NKAIN2: variants seen among roughly 807,000 people sequenced by gnomAD.
NKAIN2 encodes sodium/potassium-transporting ATPase subunit beta-1-interacting protein 2.
NKAIN2 carries 14 observed loss-of-function variants against 32.6 expected under a neutral mutation model. The ratio of observed to expected loss-of-function variants is 0.43; its 90% confidence interval spans 0.28 to 0.67. The LOEUF (loss-of-function observed/expected upper bound fraction) is 0.67, where lower values mean the gene tolerates loss of function less well. Among genes scored for constraint, NKAIN2 ranks in the 30% least tolerant of loss-of-function variants. The pLI is 0.17. For missense variants in NKAIN2, 198 were observed against 258.3 expected (o/e 0.77, Z 1.60); for synonymous variants, 80 against 87.2 (o/e 0.92, Z 0.46).
Position 124,283,150 on chromosome 6 carries a change from C to T in NKAIN2, c.192+8C>T. On this transcript the variant is annotated splice_region_variant and intron_variant, in intron 2 of 6. Coordinates refer to ENST00000368417, the MANE Select transcript of NKAIN2 (RefSeq NM_001040214.3). ...CCTCGTTACATAACAGGAGTAAGTA[C>T]ATTTTCTGCCTTTTAAAAATCTTAT... is the stretch of plus-strand genomic sequence containing the variant. 6.3e-7 allele frequency: 1 copy of T among 1,591,066 alleles called. No individual in the cohort carries two copies.
chr6:124,108,946 T>C (rs1785243210), intron 1 of NKAIN2, among the ~76,000 whole-genome samples: 2 of 151,988 alleles, frequency 1.3e-5, no homozygotes, highest in Admixed American at 1.3e-4. Flanking sequence ...TTTAACATTG[T>C]CATGTATTTT....
chr6:124,470,710 A>G (rs1399755447), intron 3 of NKAIN2, among the ~76,000 whole-genome samples: 3 of 152,294 alleles, frequency 2.0e-5, no homozygotes, highest in East Asian at 3.9e-4. Context: ...TCTGCAAGCC[A>G]TATAGCAAAT....
intron 1 of NKAIN2, among the ~76,000 whole-genome samples, chr6:123,963,734 T>C (rs1777953770): frequency 6.6e-6 from 1 of 152,172 alleles, no homozygotes; most frequent in Non-Finnish European, 1.5e-5. Flanking sequence ...TCAAATACTA[T>C]CTTTCCAAAA....
chr6:124,774,505 C>T (rs147563984), intron 4 of NKAIN2, among the ~76,000 whole-genome samples: 3 of 152,110 alleles, frequency 2.0e-5, no homozygotes, highest in East Asian at 3.9e-4. Context: ...TCTACTAAGA[C>T]GTTCTGAGGG....
rs190390929 is a variant in NKAIN2, at chr6:124,354,067, C to T, written c.193-1200C>T. Among the ~76,000 whole-genome samples, 3 of 152,246 alleles carry T rather than the reference C, an allele frequency of 2.0e-5. No homozygotes were observed. In the East Asian group the frequency reaches 5.8e-4, roughly 30 times the overall value. On this transcript the variant is annotated intron_variant, in intron 2 of 6. Transcript: ENST00000368417. ...TGTTTACAGGATCCTCCCATGAAAGCCCTTCCAACCCCGCATGCTTTTAAG... is the reference window on the plus strand; with the variant it reads ...TGTTTACAGGATCCTCCCATGAAAGTCCTTCCAACCCCGCATGCTTTTAAG...
intron 1 of NKAIN2, among the ~76,000 whole-genome samples, chr6:124,024,702 T>C (rs1781025894): frequency 6.6e-6 from 1 of 152,106 alleles, no homozygotes; most frequent in African/African-American, 2.4e-5. Flanking sequence ...AAGAGTGCTT[T>C]TCCTGGCCAG....
intron 3 of NKAIN2, among the ~76,000 whole-genome samples, chr6:124,554,850 G>C (rs1780416231): frequency 6.6e-6 from 1 of 152,146 alleles, no homozygotes. Flanking sequence ...AAGCCCGTGG[G>C]GAATCTGGTT....
intron 2 of NKAIN2, among the ~76,000 whole-genome samples, chr6:124,289,652 T>A (rs1016664030): frequency 6.6e-6 from 1 of 152,208 alleles, no homozygotes; most frequent in Non-Finnish European, 1.5e-5. Context: ...TGATTTTTAA[T>A]TGTCCATGGA....
intron 3 of NKAIN2, among the ~76,000 whole-genome samples, chr6:124,451,226 T>C (rs181593535): frequency 7.2e-5 from 11 of 152,288 alleles, no homozygotes; most frequent in East Asian, 3.9e-4. Context: ...TTTAGGCCCA[T>C]TGATTTTTAT....
intron 3 of NKAIN2, among the ~76,000 whole-genome samples, chr6:124,605,085 C>T (rs943465735): frequency 1.3e-5 from 2 of 151,964 alleles, no homozygotes; most frequent in African/African-American, 4.8e-5. Context: ...GAATACTAAC[C>T]CCTGCTCTGT....
intron 5 of NKAIN2, among the ~76,000 whole-genome samples, chr6:124,798,697 G>C (rs1162896077): frequency 6.6e-6 from 1 of 152,096 alleles, no homozygotes; most frequent in Non-Finnish European, 1.5e-5. Context: ...GAGTTGTACT[G>C]GGTTAAAAAT....
intron 4 of NKAIN2, among the ~76,000 whole-genome samples, chr6:124,669,573 C>T (rs1381860083): frequency 1.3e-5 from 2 of 152,018 alleles, no homozygotes; most frequent in African/African-American, 4.8e-5. Flanking sequence ...GGTAGGAGAA[C>T]ATTCAGGGTA....
chr6:124,207,836 A>T (rs1436797256), intron 1 of NKAIN2, among the ~76,000 whole-genome samples: 2 of 151,972 alleles, frequency 1.3e-5, no homozygotes, highest in African/African-American at 4.8e-5. Flanking sequence ...AACATAAAGT[A>T]CAAATAATTT....
chr6:124,537,713 C>T lies in NKAIN2; in HGVS notation c.274-120473C>T, dbSNP rs757246187. Among the ~76,000 whole-genome samples, 3 of 152,048 alleles carry T rather than the reference C, an allele frequency of 2.0e-5. No individual in the cohort carries two copies. The South Asian group carries it at 6.2e-4, about 32-fold the overall frequency. ...CTTCCCTTTCATGCGTGCTCTCTCTCTCTCCTCTCATCTTTGTATATTAGG... is the reference window on the plus strand; with the variant it reads ...CTTCCCTTTCATGCGTGCTCTCTCTTTCTCCTCTCATCTTTGTATATTAGG... On this transcript the variant is annotated intron_variant, in intron 3 of 6. Transcript: ENST00000368417.
intron 1 of NKAIN2, among the ~76,000 whole-genome samples, chr6:123,997,072 A>G (rs952409410): frequency 1.3e-5 from 2 of 152,230 alleles, no homozygotes; most frequent in Non-Finnish European, 2.9e-5. Context: ...CTTATGTGTA[A>G]CAACTTTCAG....
chr6:123,989,493 C>G (rs1779322746), intron 1 of NKAIN2, among the ~76,000 whole-genome samples: 1 of 152,050 alleles, frequency 6.6e-6, no homozygotes, highest in Non-Finnish European at 1.5e-5. Flanking sequence ...CTTGCTGGGT[C>G]TTTTCTCCTT....
intron 3 of NKAIN2, among the ~76,000 whole-genome samples, chr6:124,439,970 G>A (rs113504520): frequency 0.023 from 3,530 of 152,100 alleles, 61 homozygotes; most frequent in Non-Finnish European, 0.034. Flanking sequence ...ACCTGAGGGT[G>A]ATCCTAAAAA....
intron 1 of NKAIN2, among the ~76,000 whole-genome samples, chr6:124,123,992 G>A (rs745792563): frequency 1.8e-4 from 25 of 137,134 alleles, no homozygotes; most frequent in Non-Finnish European, 2.0e-4. Context: ...CTTTTAGGAT[G>A]AGTGATCACA....
intron 1 of NKAIN2, among the ~76,000 whole-genome samples, chr6:123,941,197 T>C (rs1313932345): frequency 1.3e-5 from 2 of 151,898 alleles, no homozygotes. Context: ...CATGTAGAGC[T>C]GATAACAAGT....
Sources: gnomAD v4.1 joint callset for allele counts (sites outside exome capture counted in the v4.1 genomes callset) on GRCh38, gnomAD v4.1.1 for gene constraint, MANE v1.5 for transcripts, NCBI Gene and HGNC (gene_info 2026-07-23, HGNC 2026-07-21) for gene names.